AMOTL1: variants seen among roughly 807,000 people sequenced by gnomAD.
The protein encoded by AMOTL1 is angiomotin like 1.
Under a neutral mutation model 102.9 loss-of-function variants are expected in AMOTL1, and 45 were observed. The observed-to-expected ratio is 0.44, with a 90% confidence interval of 0.34 to 0.56. The LOEUF (loss-of-function observed/expected upper bound fraction) is 0.56. Among genes scored for constraint, AMOTL1 ranks in the 20% least tolerant of loss-of-function variants. The pLI, the probability that AMOTL1 is intolerant of heterozygous loss-of-function variation, is 0.01. For synonymous variants in AMOTL1, 481 were observed against 484.7 expected, an observed-to-expected ratio of 0.99 and a Z score of 0.10; for missense variants, 1,114 against 1,225.6, an observed-to-expected ratio of 0.91 and a Z score of 1.36.
chr11:94,844,645 A>G (rs1261765952), intron 6 of AMOTL1, among the ~76,000 whole-genome samples: 4 of 152,296 alleles, frequency 2.6e-5, no homozygotes, highest in South Asian at 4.1e-4. Flanking sequence ...TCATTTTTTA[A>G]ATCAGTAGCC....
Position 94,873,777 on chromosome 11 carries a change from A to ACACACACACG in AMOTL1, c.*2991_*2992insGCACACACAC, listed in dbSNP as rs1491273437. The ACACACACACG allele has an allele frequency of 6.8e-5, 4 of 58,708 alleles. No homozygotes were observed. Among genetic ancestry groups the ACACACACACG allele is most frequent in the African/African-American group, 1.3e-4 (1 of 7,740 alleles). The allele number at this position is 58,708 out of a possible 1,614,324, so 3.6% of individuals were successfully genotyped here. On this transcript the variant is annotated 3_prime_UTR_variant, in exon 13 of 13. Coordinates refer to ENST00000433060, the MANE Select transcript of AMOTL1 (RefSeq NM_130847.3). Reference sequence around the variant, plus strand: ...GTGATGTGTGTGTGCACGTGTAACTACACACACACACACACACACACACAC... The same window carrying ACACACACACG: ...GTGATGTGTGTGTGCACGTGTAACTACACACACACGCACACACACACACACACACACACAC...
Position 94,728,306 on chromosome 11 carries a change from C to T in AMOTL1, c.-50-615C>T, listed in dbSNP as rs147954256. Among the ~76,000 whole-genome samples the T allele has an allele frequency of 4.5e-4, 69 of 152,144 alleles. No individual in the cohort carries two copies. In the East Asian group the frequency reaches 0.012, roughly 26 times the overall value. On this transcript the variant is annotated intron_variant, in intron 1 of 4. Coordinates refer to the AMOTL1 transcript ENST00000299004. ...CAATGGAGTGGGAATGATCTTTTTA[C>T]GAAAGCCAAGAGCCCTTGTAACTGT... is the stretch of plus-strand genomic sequence containing the variant.
At chr11:94,803,340 G>A (rs1350227585) in intron 3 of AMOTL1, among the ~76,000 whole-genome samples, 3 of 152,264 alleles carry the variant, frequency 2.0e-5, no homozygotes, top group African/African-American at 7.2e-5. Context: ...CCCTTTCCTG[G>A]GAACCCTCTG....
At chr11:94,734,738 A>G (rs1019616613) in intron 2 of AMOTL1, among the ~76,000 whole-genome samples, 1 of 152,092 alleles carries the variant, frequency 6.6e-6, no homozygotes, top group Non-Finnish European at 1.5e-5. Context: ...CAGGAGAGAG[A>G]AGGCTACCTG....
intron 3 of AMOTL1, among the ~76,000 whole-genome samples, chr11:94,815,039 T>C (rs1052323645): frequency 3.3e-5 from 5 of 152,198 alleles, no homozygotes; most frequent in South Asian, 2.1e-4. Flanking sequence ...AAAGTAGACT[T>C]TGAGCCAAAT....
At chr11:94,795,615 T>C (rs561717139) in intron 2 of AMOTL1, among the ~76,000 whole-genome samples, 24 of 152,318 alleles carry the variant, frequency 1.6e-4, no homozygotes, top group African/African-American at 5.3e-4. Context: ...TGAGGGCTTT[T>C]GAGACTGGTT....
At chr11:94,869,560 AG>A in intron 12 of AMOTL1, 87 bp downstream of exon 12, 1 of 1,430,794 alleles carries the variant, frequency 7.0e-7, no homozygotes. Flanking sequence ...GAGAGGAAGC[AG>A]GGGCACCCAT....
chr11:94,786,310 A>G lies in AMOTL1; in HGVS notation c.50-8701A>G, dbSNP rs11020940. On this transcript the variant is annotated intron_variant, in intron 1 of 12. Transcript: ENST00000433060. ...AAGCCTTTTTATTATGGATACTGCC[A>G]CTGCATTCTCACGGTGACTCTGTGT... 2.6e-3 allele frequency among the ~76,000 whole-genome samples: 389 copies of G among 152,360 alleles called. 1 individual carries two copies. The highest frequency in any genetic ancestry group is 3.7e-3 in the Non-Finnish European group (254 of 68,042).
At position 94,799,199 on chromosome 11, in the gene AMOTL1, A is replaced by G. The variant is rs1036996579; in HGVS notation, c.200-191A>G. 6.6e-6 allele frequency among the ~76,000 whole-genome samples: 1 copy of G among 152,130 alleles called. No individual in the cohort carries two copies. Among genetic ancestry groups the G allele is most frequent in the Non-Finnish European group, 1.5e-5 (1 of 68,006 alleles). On this transcript the variant is annotated intron_variant, in intron 2 of 12. Coordinates refer to ENST00000433060, the MANE Select transcript of AMOTL1 (RefSeq NM_130847.3). This position sits in a 1 kb window ranked among gnomAD's most constrained non-coding sequence, Gnocchi z 4.5. ...GGAAGCAGAGGAGAGGGAGTGCAGA[A>G]TAGTAGACTCGCTTTGAATTGGAGA...
chr11:94,858,020 A>G (rs997057408), intron 8 of AMOTL1, among the ~76,000 whole-genome samples: 1 of 152,194 alleles, frequency 6.6e-6, no homozygotes, highest in African/African-American at 2.4e-5. Flanking sequence ...AGGGGGGGCT[A>G]TGAAGAGTTG....
At chr11:94,767,111 T>C (rs1950864397), upstream of AMOTL1, among the ~76,000 whole-genome samples, 1 of 152,208 alleles carries the variant, frequency 6.6e-6, no homozygotes, top group African/African-American at 2.4e-5. Context: ...TTGGATCTCC[T>C]GCTTTGTTGC....
rs1951339582 is a variant in AMOTL1 at position 94,795,018 on chromosome 11, T to G, written c.57T>G (p.Pro19=). Residue 19 remains proline, a synonymous_variant, in exon 2 of 13, where the codon CCT becomes CCG. Transcript: ENST00000433060. The part of the protein sequence containing the change: ...GTCEPAVKGS[P]SACYSPSSPV... The stretch of plus-strand genomic sequence containing the variant: ...TCGCTTTCTTTCCCCCAGGGTCCCC[T>G]TCTGCTTGTTATAGCCCCAGTAGTC... 1 of 1,604,246 alleles carries G rather than the reference T, an allele frequency of 6.2e-7. No homozygotes were observed. Among genetic ancestry groups the G allele is most frequent in the Non-Finnish European group, 8.5e-7 (1 of 1,177,190 alleles).
intron 1 of AMOTL1, among the ~76,000 whole-genome samples, chr11:94,724,212 C>T (rs189172627): frequency 1.3e-4 from 20 of 152,228 alleles, no homozygotes; most frequent in African/African-American, 4.6e-4. Flanking sequence ...TGGACTATTC[C>T]TTCTGATTCC....
chr11:94,764,051 T>G (rs1950826464), upstream of AMOTL1, among the ~76,000 whole-genome samples: 1 of 152,230 alleles, frequency 6.6e-6, no homozygotes, highest in Non-Finnish European at 1.5e-5. Flanking sequence ...TATGCTTTCC[T>G]TCCTTGTGTC....
chr11:94,843,822 G>A (rs1428121545), intron 6 of AMOTL1, among the ~76,000 whole-genome samples: 1 of 152,194 alleles, frequency 6.6e-6, no homozygotes, highest in East Asian at 1.9e-4. Flanking sequence ...CACTGGACTA[G>A]CTGGGCAGAT....
intron 1 of AMOTL1, among the ~76,000 whole-genome samples, chr11:94,782,817 G>A (rs1951131684): frequency 6.6e-6 from 1 of 152,132 alleles, no homozygotes; most frequent in African/African-American, 2.4e-5. Context: ...GAAATCAGAA[G>A]CAGATATGAG....
At chr11:94,832,928 A>G (rs1448345081) in intron 6 of AMOTL1, among the ~76,000 whole-genome samples, 1 of 152,222 alleles carries the variant, frequency 6.6e-6, no homozygotes, top group African/African-American at 2.4e-5. Context: ...GTTTCACCTG[A>G]TGGGCATTGT....
intron 8 of AMOTL1, among the ~76,000 whole-genome samples, chr11:94,856,821 G>C (rs1287069104): frequency 6.6e-6 from 1 of 152,214 alleles, no homozygotes; most frequent in Non-Finnish European, 1.5e-5. Context: ...ATTCTGAAGA[G>C]ACTTTTGAGA....
intron 3 of AMOTL1, among the ~76,000 whole-genome samples, chr11:94,755,988 G>A (rs1186738804): frequency 1.3e-5 from 2 of 152,316 alleles, no homozygotes; most frequent in Admixed American, 6.5e-5. Context: ...TTATTGAGTG[G>A]TGGAGGTAGC....
Sources: gnomAD v4.1 joint callset for allele counts (sites outside exome capture counted in the v4.1 genomes callset) on GRCh38, gnomAD v4.1.1 for gene constraint, Gnocchi (gnomAD v3.1) non-coding constraint, MANE v1.5 for transcripts, NCBI Gene and HGNC (gene_info 2026-07-23, HGNC 2026-07-21) for gene names.